The following CEP85L variants were observed in gnomAD, a reference collection of about 807,000 sequenced individuals.
The protein encoded by CEP85L is centrosomal protein of 85 kDa-like.
Under a neutral mutation model 100.3 loss-of-function variants are expected in CEP85L, and 60 were observed. The ratio of observed to expected loss-of-function variants is 0.60; its 90% CI spans 0.49 to 0.74. CEP85L has a LOEUF of 0.74. Among genes scored for constraint, CEP85L ranks in the 30% least tolerant of loss-of-function variants. The probability of loss-of-function intolerance (pLI) is 0.00; values close to 1 mark genes in which losing one functional copy is unlikely to be tolerated. For synonymous variants in CEP85L, 319 were observed against 322.7 expected (o/e 0.99, Z 0.12); for missense variants, 973 against 936.2 (o/e 1.04, Z -0.51).
chr6:118,500,417 G>A (rs1366132799), intron 5 of CEP85L, among the ~76,000 whole-genome samples: 1 of 30,888 alleles, frequency 3.2e-5, no homozygotes, highest in African/African-American at 1.3e-4. Context: ...ACTCCCTGGC[G>A]CTGGGCTCCT....
Position 118,673,249 on chromosome 6 carries a change from G to C in CEP85L, c.-27-20441C>G, listed in dbSNP as rs113722607. Reference sequence around the variant, plus strand: ...CAATAGAAACAGAGCCAAATCAGAAGCTGAAAGAATGGTTCTGATTCAAGA... The same window carrying C: ...CAATAGAAACAGAGCCAAATCAGAACCTGAAAGAATGGTTCTGATTCAAGA... On this transcript the variant is annotated intron_variant, in intron 1 of 13. Coordinates refer to the CEP85L transcript ENST00000368488. Among the ~76,000 whole-genome samples the C allele has an allele frequency of 2.3e-3, 352 of 152,302 alleles. 3 individuals carry two copies. Among genetic ancestry groups the C allele is most frequent in the African/African-American group, 8.3e-3 (345 of 41,556 alleles).
intron 9 of CEP85L, among the ~76,000 whole-genome samples, 161 bp downstream of exon 9, chr6:118,480,235 T>C (rs1773676206): frequency 1.3e-5 from 2 of 152,180 alleles, no homozygotes; most frequent in South Asian, 2.1e-4. Context: ...TTGTTTCAAT[T>C]GCTATGGTCC....
chr6:118,547,176 G>A (rs544006622), intron 3 of CEP85L, among the ~76,000 whole-genome samples: 1 of 152,174 alleles, frequency 6.6e-6, no homozygotes, highest in African/African-American at 2.4e-5. Context: ...TAATATTTTC[G>A]AGTGTGGTGA....
intron 1 of CEP85L, among the ~76,000 whole-genome samples, chr6:118,642,740 CCT>C (rs1376744781): frequency 6.6e-6 from 1 of 151,912 alleles, no homozygotes; most frequent in Non-Finnish European, 1.5e-5. Flanking sequence ...ACGGTGAAAC[CCT>C]GTCTCTACTA....
chr6:118,500,019 G>A (rs1430560112), intron 5 of CEP85L, among the ~76,000 whole-genome samples: 2 of 152,116 alleles, frequency 1.3e-5, no homozygotes, highest in Non-Finnish European at 2.9e-5. Flanking sequence ...AAAAACTCCT[G>A]GCTAGGTGCA....
At chr6:118,496,356 T>TTTTCATTTTATTTTATTTTATTTTA (rs1774919838) in intron 5 of CEP85L, among the ~76,000 whole-genome samples, 1 of 139,460 alleles carries the variant, frequency 7.2e-6, no homozygotes, top group Non-Finnish European at 1.5e-5. Context: ...TATTTTATAT[T>TTTTCATTTTATTTTATTTTATTTTA]TTTTATTTTA....
At chr6:118,526,723 C>T (rs1441140871) in intron 3 of CEP85L, among the ~76,000 whole-genome samples, 1 of 152,228 alleles carries the variant, frequency 6.6e-6, no homozygotes, top group Non-Finnish European at 1.5e-5. Context: ...CTTTACTTCT[C>T]ATTATATGCT....
rs1213825579 is a variant in CEP85L, at chr6:118,490,780, T to C, written c.1437+906A>G. Among the ~76,000 whole-genome samples, 5 of 152,174 alleles carry C rather than the reference T, an allele frequency of 3.3e-5. No homozygotes were observed. In the East Asian group the frequency reaches 5.8e-4, roughly 18 times the overall value. ...TCAGCAATAGATAGAAACTGATACA[T>C]GTAGCTATAAAAATAAATCTCAAAG... On this transcript the variant is annotated intron_variant, in intron 6 of 12. Transcript: ENST00000368491.
chr6:118,555,221 G>A (rs1176906777), intron 3 of CEP85L, among the ~76,000 whole-genome samples: 2 of 152,042 alleles, frequency 1.3e-5, no homozygotes, highest in Non-Finnish European at 2.9e-5. Context: ...CACGAGGTCG[G>A]GAGATCGAGA....
intron 2 of CEP85L, among the ~76,000 whole-genome samples, chr6:118,621,066 A>G (rs1471935376): frequency 6.6e-6 from 1 of 152,188 alleles, no homozygotes. Flanking sequence ...AAATTAGGCT[A>G]AAAGACCCCA....
chr6:118,670,874 T>C (rs1413688586), intron 1 of CEP85L, among the ~76,000 whole-genome samples: 2 of 152,044 alleles, frequency 1.3e-5, no homozygotes, highest in African/African-American at 4.8e-5. Flanking sequence ...GGAAATGTTC[T>C]CCTGATTAGC....
At chr6:118,652,010 T>C, upstream of CEP85L, 2 of 624,912 alleles carry the variant, frequency 3.2e-6, no homozygotes, top group Non-Finnish European at 4.0e-6. Flanking sequence ...GGAATTAGGA[T>C]TGGGATTTAA....
intron 3 of CEP85L, among the ~76,000 whole-genome samples, chr6:118,543,393 A>T (rs1258267328): frequency 6.6e-6 from 1 of 152,186 alleles, no homozygotes; most frequent in African/African-American, 2.4e-5. Flanking sequence ...TAAGTATAAA[A>T]ATATCTTATT....
chr6:118,647,987 C>G, intron 1 of CEP85L, among the ~76,000 whole-genome samples: 1 of 152,248 alleles, frequency 6.6e-6, no homozygotes, highest in East Asian at 1.9e-4. Flanking sequence ...GGCGCGGTTA[C>G]TCATGCCTGT....
rs140868060 is a variant in CEP85L at position 118,527,442 on chromosome 6, G to C, written c.1021-3522C>G. On this transcript the variant is annotated intron_variant, in intron 3 of 12. Transcript: ENST00000368491. ...CCCTGTGGCACTATGGCCTAATTAG[G>C]TGTTCCAAATTTCATCATAAGGACT... Among the ~76,000 whole-genome samples the C allele has an allele frequency of 4.3e-3, 660 of 152,198 alleles. 8 individuals are homozygous for C. Among genetic ancestry groups the C allele is most frequent in the African/African-American group, 0.015 (639 of 41,514 alleles).
intron 1 of CEP85L, among the ~76,000 whole-genome samples, chr6:118,682,201 A>G (rs1776687938): frequency 6.6e-6 from 1 of 152,214 alleles, no homozygotes; most frequent in Non-Finnish European, 1.5e-5. Flanking sequence ...ACATATTTTC[A>G]TCTACATTAA....
chr6:118,568,888 T>C (rs1779704222), intron 2 of CEP85L, among the ~76,000 whole-genome samples: 1 of 152,126 alleles, frequency 6.6e-6, no homozygotes, highest in African/African-American at 2.4e-5. Context: ...TATATTTGTA[T>C]TAATATTACT....
rs1044588848 is a variant in CEP85L, at chr6:118,465,013, A to G, written c.*392T>C. ...GCTCTGACCCTAGAAACCCTTATAAATTTGTGAATAAAGCACGTGCACACA... is the reference window on the plus strand; with the variant it reads ...GCTCTGACCCTAGAAACCCTTATAAGTTTGTGAATAAAGCACGTGCACACA... On this transcript the variant is annotated 3_prime_UTR_variant, in exon 13 of 13. Transcript: ENST00000368491. The G allele has an allele frequency of 4.5e-5, 7 of 156,176 alleles. No homozygotes were observed. The highest frequency in any genetic ancestry group is 4.0e-4 in the South Asian group (2 of 4,998). 9.7% of individuals were successfully genotyped at this position (156,176 alleles called of 1,614,324 possible).
chr6:118,605,450 A>G (rs1772128261), intron 2 of CEP85L, among the ~76,000 whole-genome samples: 1 of 152,192 alleles, frequency 6.6e-6, no homozygotes, highest in Non-Finnish European at 1.5e-5. Flanking sequence ...CCCTTAAAGT[A>G]TATTTCCTAC....
Sources: gnomAD v4.1 joint callset for allele counts (sites outside exome capture counted in the v4.1 genomes callset) on GRCh38, gnomAD v4.1.1 for gene constraint, MANE v1.5 for transcripts, NCBI Gene and HGNC (gene_info 2026-07-23, HGNC 2026-07-21) for gene names.